Variants in RIC1 observed in about 807,000 individuals in gnomAD.
RIC1 encodes the protein RIC1 partner of RAB6A GEF complex, also known as guanine nucleotide exchange factor subunit RIC1.
Under a neutral mutation model 169.0 loss-of-function variants are expected in RIC1, and 88 were observed. The observed-to-expected ratio is 0.52, with a 90% CI of 0.44 to 0.62. The LOEUF is 0.62. Among genes scored for constraint, RIC1 ranks in the 20% least tolerant of loss-of-function variants. RIC1 has a pLI of 0.00. For missense variants in RIC1, 1,877 were observed against 1,725.5 expected (o/e 1.09, Z -1.56); for synonymous variants, 790 against 601.5 (o/e 1.31, Z -4.59).
intron 1 of RIC1, among the ~76,000 whole-genome samples, chr9:5,634,015 T>C (rs1817850806): frequency 6.6e-6 from 1 of 152,214 alleles, no homozygotes; most frequent in Admixed American, 6.5e-5. Context: ...TTACTTAGTA[T>C]ACTGTCCTTA....
At chr9:5,697,163 C>G (rs1034925391) in intron 3 of RIC1, among the ~76,000 whole-genome samples, 1 of 152,198 alleles carries the variant, frequency 6.6e-6, no homozygotes, top group African/African-American at 2.4e-5. Flanking sequence ...GTGTGGCTCC[C>G]ACATCACTGG....
rs747645894 is a variant in RIC1 at position 5,762,670 on chromosome 9, G to C, written c.2112+10G>C. On this transcript the variant is annotated intron_variant, in intron 18 of 25. Transcript: ENST00000414202. ...TAACCAAAGGAAACTTGTGAGTAAA[G>C]TACTAGTCATTTCTTTTCAAACATT... The C allele has an allele frequency of 6.2e-7, 1 of 1,612,014 alleles. No homozygotes were observed. The highest frequency in any genetic ancestry group is 1.1e-5 in the South Asian group (1 of 90,678).
chr9:5,686,773 A>G (rs1275803512), intron 2 of RIC1, among the ~76,000 whole-genome samples: 3 of 149,962 alleles, frequency 2.0e-5, no homozygotes, highest in Non-Finnish European at 4.4e-5. Context: ...AACTTAAAGT[A>G]TAATAATAAA....
chr9:5,648,888 T>C (rs937063826), intron 1 of RIC1, among the ~76,000 whole-genome samples: 2 of 152,254 alleles, frequency 1.3e-5, no homozygotes, highest in African/African-American at 4.8e-5. Flanking sequence ...GAGTTCCTTG[T>C]ATATTCTGGT....
chr9:5,632,154 A>G (rs1244931013), intron 1 of RIC1, among the ~76,000 whole-genome samples: 2 of 152,222 alleles, frequency 1.3e-5, no homozygotes, highest in African/African-American at 4.8e-5. Context: ...AGATTTGCTT[A>G]CCTGAAATTT....
At chr9:5,680,508 T>A (rs1820751961) in intron 2 of RIC1, among the ~76,000 whole-genome samples, 1 of 152,320 alleles carries the variant, frequency 6.6e-6, no homozygotes, top group Middle Eastern at 3.4e-3. Flanking sequence ...AATTATTGCC[T>A]CAATTTCAGA....
chr9:5,682,214 G>C (rs1316543255), intron 2 of RIC1, among the ~76,000 whole-genome samples: 1 of 152,132 alleles, frequency 6.6e-6, no homozygotes, highest in Non-Finnish European at 1.5e-5. Context: ...ATGTTAGCTG[G>C]TTATTTTGCT....
At chr9:5,720,406 C>T (rs1319606024) in intron 5 of RIC1, 82 bp downstream of exon 5, 3 of 1,388,442 alleles carry the variant, frequency 2.2e-6, no homozygotes, top group South Asian at 1.4e-5. Flanking sequence ...ATGAACACTT[C>T]TTTGGAATTA....
Position 5,678,533 on chromosome 9 carries a change from T to C in RIC1, c.253-11426T>C, listed in dbSNP as rs573284246. Reference sequence around the variant, plus strand: ...TGTTGTTTCCTGACTTTTTAATGATTGCCATTCTAACTGGTGTGAGATGAT... The same window carrying C: ...TGTTGTTTCCTGACTTTTTAATGATCGCCATTCTAACTGGTGTGAGATGAT... On this transcript the variant is annotated intron_variant, in intron 2 of 25. Coordinates refer to ENST00000414202, the MANE Select transcript of RIC1 (RefSeq NM_020829.4). Among the ~76,000 whole-genome samples the C allele has an allele frequency of 2.7e-3, 409 of 151,910 alleles. 5 individuals carry two copies. The highest frequency in any genetic ancestry group is 9.1e-3 in the African/African-American group (375 of 41,378).
chr9:5,659,839 G>T (rs1819343006), intron 2 of RIC1, among the ~76,000 whole-genome samples: 1 of 152,010 alleles, frequency 6.6e-6, no homozygotes, highest in South Asian at 2.1e-4. Context: ...ACATATATCT[G>T]ATTTTTTCCA....
intron 8 of RIC1, among the ~76,000 whole-genome samples, chr9:5,741,183 A>G (rs1048148895): frequency 6.6e-6 from 1 of 152,198 alleles, no homozygotes; most frequent in Non-Finnish European, 1.5e-5. Flanking sequence ...TTTCCATTGC[A>G]GCTATTGAGA....
chr9:5,728,984 A>G (rs957011248), intron 6 of RIC1, among the ~76,000 whole-genome samples: 4 of 151,900 alleles, frequency 2.6e-5, no homozygotes, highest in Non-Finnish European at 4.4e-5. Flanking sequence ...GGGTCCTCCT[A>G]CCTTTAGAGC....
chr9:5,765,663 A>G lies in RIC1; in HGVS notation c.3002A>G (p.Glu1001Gly). 1 of 1,614,158 alleles carries G rather than the reference A, an allele frequency of 6.2e-7. No individual in the cohort carries two copies. The highest frequency in any genetic ancestry group is 8.5e-7 in the Non-Finnish European group (1 of 1,179,992). ...ACTGCATATGGTGTGTAATCCTAGG[A>G]ACCCAGTTCAAGTGGTGGATTTGAG... ...ETPPSTPTAQ[E>G]PSSSGGFEFF... The change falls in exon 21 of 26, where the codon GAA becomes GGA. Residue 1001 changes from glutamate to glycine, a missense_variant and splice_region_variant. Physicochemically the swap from Glu to Gly is moderately conservative, Grantham distance 98. Around this residue, in one of 3 missense-constraint regions of RIC1, gnomAD observed 681 missense variants for 582.0 expected, o/e 1.17. Transcript: ENST00000414202.
intron 2 of RIC1, 48 bp from the exon 3 acceptor site, chr9:5,689,911 G>C: frequency 1.6e-6 from 2 of 1,275,258 alleles, no homozygotes; most frequent in Non-Finnish European, 2.2e-6. Flanking sequence ...CAGGGTTACA[G>C]TTATAGCCTT....
chr9:5,668,900 G>GGTTTCT (rs1441393281), intron 2 of RIC1, among the ~76,000 whole-genome samples: 1 of 152,076 alleles, frequency 6.6e-6, no homozygotes, highest in Admixed American at 6.5e-5. Context: ...CCTTAGGGAT[G>GGTTTCT]GTTTCTGCCA....
At chr9:5,747,545 G>C in intron 12 of RIC1, 40 bp downstream of exon 12, 9 of 1,494,630 alleles carry the variant, frequency 6.0e-6, no homozygotes, top group Non-Finnish European at 8.4e-6. Context: ...CTTATTCTTT[G>C]ATAGGATATC....
intron 21 of RIC1, 139 bp downstream of exon 21, chr9:5,765,937 G>T (rs554560506): frequency 2.2e-5 from 23 of 1,060,026 alleles, no homozygotes; most frequent in Non-Finnish European, 3.1e-5. Flanking sequence ...AAAAGCAGAG[G>T]CCACACAGAA....
At chr9:5,717,413 C>A (rs1317972212) in intron 4 of RIC1, among the ~76,000 whole-genome samples, 3 of 152,092 alleles carry the variant, frequency 2.0e-5, no homozygotes, top group Non-Finnish European at 4.4e-5. Context: ...AGTGACTACT[C>A]TGCTAAATTG....
Position 5,774,188 on chromosome 9 carries a change from C to T in RIC1, c.4214C>T (p.Ala1405Val). ...GTCAGCCGGAAAGAGGAGGACACAG[C>T]CCAAGCAGAGGAGGAAGAACCTTTT... ...NMVSRKEEDT[A>V]QAEEEEPFQD... The change falls in exon 26 of 26, where the codon GCC becomes GTC. Residue 1405 changes from alanine to valine, a missense_variant. Ala to Val is a moderately conservative substitution (Grantham distance 64). This residue lies in a region of RIC1 where 681 missense variants were observed against 582.0 expected (regional missense o/e 1.17). Transcript: ENST00000414202. The T allele has an allele frequency of 6.2e-7, 1 of 1,613,874 alleles. No individual in the cohort carries two copies. The highest frequency in any genetic ancestry group is 1.1e-5 in the South Asian group (1 of 91,056).
Sources: allele counts gnomAD v4.1 joint callset (sites outside exome capture counted in the v4.1 genomes callset), GRCh38; gene constraint gnomAD v4.1.1; regional missense constraint gnomAD v4.1.1; transcripts MANE v1.5; gene names NCBI Gene and HGNC (gene_info 2026-07-23, HGNC 2026-07-21).